The following PRKG1 variants were observed in gnomAD, a reference collection of about 807,000 sequenced individuals.
PRKG1 encodes the protein protein kinase cGMP-dependent 1, also known as cGMP-dependent protein kinase 1.
A neutral mutation model predicts 88.1 loss-of-function variants in PRKG1; 35 were observed. The ratio of observed to expected loss-of-function variants is 0.40; its 90% confidence interval spans 0.30 to 0.53. The LOEUF is 0.53. Among genes scored for constraint, PRKG1 ranks in the 20% least tolerant of loss-of-function variants. The pLI is 0.59. For missense variants in PRKG1, 540 were observed against 839.8 expected, an observed-to-expected ratio of 0.64 and a Z score of 4.41; for synonymous variants, 303 against 292.5, an observed-to-expected ratio of 1.04 and a Z score of -0.37.
rs986291974 is a variant in PRKG1, at chr10:51,534,240, G to A, written c.592+66404G>A. On this transcript the variant is annotated intron_variant, in intron 3 of 17. Coordinates refer to ENST00000373980, the MANE Select transcript of PRKG1 (RefSeq NM_006258.4). ...CATTAATGTATATGAACAAAGTGATGTTTCTGGTTATTAAAATATACAATC... is the reference window on the plus strand; with the variant it reads ...CATTAATGTATATGAACAAAGTGATATTTCTGGTTATTAAAATATACAATC... Among the ~76,000 whole-genome samples the A allele has an allele frequency of 2.0e-5, 3 of 152,080 alleles. 1 individual carries two copies. The highest frequency in any genetic ancestry group is 4.4e-5 in the Non-Finnish European group (3 of 68,008).
chr10:51,862,908 C>A (rs1386074633), intron 4 of PRKG1, among the ~76,000 whole-genome samples: 2 of 152,072 alleles, frequency 1.3e-5, no homozygotes, highest in African/African-American at 4.8e-5. Flanking sequence ...CAAATATCAC[C>A]AAAATTATCA....
At chr10:51,106,072 G>A (rs1470154657) in intron 1 of PRKG1, among the ~76,000 whole-genome samples, 2 of 152,198 alleles carry the variant, frequency 1.3e-5, no homozygotes, top group Admixed American at 6.5e-5. Context: ...TGTTAGGTGA[G>A]CGCCCTAGAA....
intron 5 of PRKG1, among the ~76,000 whole-genome samples, chr10:51,942,393 T>G (rs1316322866): frequency 3.3e-5 from 5 of 151,192 alleles, no homozygotes; most frequent in African/African-American, 4.9e-5. Flanking sequence ...TTTCTCCCAT[T>G]TTGTAGGTTG....
intron 5 of PRKG1, among the ~76,000 whole-genome samples, chr10:51,985,975 G>C (rs1374502478): frequency 1.3e-5 from 2 of 152,108 alleles, no homozygotes; most frequent in African/African-American, 2.4e-5. Context: ...CTTAACATTA[G>C]TTTATAGTTA....
chr10:51,053,982 T>A (rs1004093317), intron 1 of PRKG1, among the ~76,000 whole-genome samples: 6 of 152,168 alleles, frequency 3.9e-5, no homozygotes, highest in African/African-American at 1.4e-4. Flanking sequence ...GTAAAAATGA[T>A]GTAACTAAAT....
chr10:51,535,209 G>GAAATATTT, intron 3 of PRKG1, among the ~76,000 whole-genome samples: 1 of 152,160 alleles, frequency 6.6e-6, no homozygotes, highest in East Asian at 1.9e-4. Flanking sequence ...ATATTATGTG[G>GAAATATTT]TGTGTTCTCA....
intron 1 of PRKG1, among the ~76,000 whole-genome samples, chr10:51,023,972 T>G (rs2132738136): frequency 6.6e-6 from 1 of 152,340 alleles, no homozygotes; most frequent in African/African-American, 2.4e-5. Context: ...AGTGAAACAT[T>G]TATGCCATTC....
chr10:51,698,071 T>C, intron 3 of PRKG1: 1 of 1,614,104 alleles, frequency 6.2e-7, no homozygotes, highest in Admixed American at 1.7e-5. Context: ...CTGGGACCTG[T>C]CTGGGTCCCT....
intron 2 of PRKG1, among the ~76,000 whole-genome samples, chr10:51,171,746 G>A (rs1323001063): frequency 6.6e-6 from 1 of 151,974 alleles, no homozygotes. Flanking sequence ...GGACATTTTT[G>A]CCATATTTGT....
chr10:51,991,584 A>G (rs1844308890), intron 5 of PRKG1, among the ~76,000 whole-genome samples: 3 of 152,150 alleles, frequency 2.0e-5, no homozygotes, highest in African/African-American at 2.4e-5. Context: ...CCTGGGTCCA[A>G]CGGTTCTCAT....
chr10:51,950,533 G>A (rs1035728707), intron 5 of PRKG1, among the ~76,000 whole-genome samples: 5 of 152,238 alleles, frequency 3.3e-5, no homozygotes, highest in South Asian at 2.1e-4. Context: ...AAGGGAGCAC[G>A]TGAGTGAGCC....
chr10:51,480,640 G>A (rs538052949), intron 3 of PRKG1, among the ~76,000 whole-genome samples: 55 of 151,888 alleles, frequency 3.6e-4, no homozygotes, highest in African/African-American at 1.2e-3. Flanking sequence ...TGAAGCAGCC[G>A]TGAACCTTGA....
At chr10:52,078,964 G>A (rs1163368931) in intron 7 of PRKG1, among the ~76,000 whole-genome samples, 1 of 152,226 alleles carries the variant, frequency 6.6e-6, no homozygotes, top group African/African-American at 2.4e-5. Context: ...TGAGAATAGA[G>A]TTGGATGTGC....
chr10:51,166,214 A>T (rs1350169301), intron 2 of PRKG1, among the ~76,000 whole-genome samples: 1 of 140,128 alleles, frequency 7.1e-6, no homozygotes, highest in East Asian at 2.0e-4. Context: ...AAAGCCACTT[A>T]AAAAAAAAAA....
rs537160332 is a variant in PRKG1 at position 51,381,121 on chromosome 10, G to C, written c.479-86602G>C. On this transcript the variant is annotated intron_variant, in intron 2 of 17. Coordinates refer to ENST00000373980, the MANE Select transcript of PRKG1 (RefSeq NM_006258.4). ...AAAATACAAAAATTAGCTGGACATG[G>C]TGGCACACACCTGTAGTCCCAGCTA... 2.0e-5 allele frequency among the ~76,000 whole-genome samples: 3 copies of C among 151,646 alleles called. No homozygotes were observed. In the South Asian group the frequency reaches 6.3e-4, roughly 32 times the overall value.
intron 9 of PRKG1, among the ~76,000 whole-genome samples, chr10:52,243,842 T>G (rs902663300): frequency 1.3e-5 from 2 of 152,124 alleles, no homozygotes; most frequent in Non-Finnish European, 2.9e-5. Flanking sequence ...ATATACGAAA[T>G]GCAATTTTCC....
At chr10:52,001,204 ATTTC>A (rs1192859083) in intron 5 of PRKG1, among the ~76,000 whole-genome samples, 1 of 151,936 alleles carries the variant, frequency 6.6e-6, no homozygotes, top group Non-Finnish European at 1.5e-5. Context: ...ACTGGATAAT[ATTTC>A]ATTGTGTATA....
chr10:51,063,818 G>T (rs1256375039), intron 1 of PRKG1, among the ~76,000 whole-genome samples: 1 of 152,076 alleles, frequency 6.6e-6, no homozygotes, highest in South Asian at 2.1e-4. Context: ...AAGACACACG[G>T]TGCTCAATAT....
chr10:51,982,845 G>A (rs1428875140), intron 5 of PRKG1, among the ~76,000 whole-genome samples: 4 of 152,242 alleles, frequency 2.6e-5, no homozygotes, highest in African/African-American at 7.2e-5. Flanking sequence ...CTCATTGGCT[G>A]CAGCAGGGTG....
Sources: gnomAD v4.1 joint callset for allele counts (sites outside exome capture counted in the v4.1 genomes callset) on GRCh38, gnomAD v4.1.1 for gene constraint, MANE v1.5 for transcripts, NCBI Gene and HGNC (gene_info 2026-07-23, HGNC 2026-07-21) for gene names.